NTN4: variants seen among roughly 807,000 people sequenced by gnomAD.
NTN4 encodes netrin-4.
NTN4 carries 32 observed loss-of-function variants against 73.6 expected under a neutral mutation model. That is an observed-to-expected ratio of 0.44 (90% confidence interval 0.33 to 0.58). The LOEUF (loss-of-function observed/expected upper bound fraction) is 0.58. Ranked by LOEUF, NTN4 falls within the 20% of genes least tolerant of loss-of-function variation. The probability of loss-of-function intolerance (pLI) is 0.04; values close to 1 mark genes in which losing one functional copy is unlikely to be tolerated. For synonymous variants in NTN4, 258 were observed against 287.5 expected, an observed-to-expected ratio of 0.90 and a Z score of 1.04; for missense variants, 654 against 798.3, an observed-to-expected ratio of 0.82 and a Z score of 2.18.
intron 2 of NTN4, among the ~76,000 whole-genome samples, chr12:95,751,324 G>T (rs2078905466): frequency 6.6e-6 from 1 of 151,620 alleles, no homozygotes; most frequent in African/African-American, 2.4e-5. Flanking sequence ...ATAGAAAAAA[G>T]TTGCAATTCC....
chr12:95,774,786 T>A (rs2079080254), intron 2 of NTN4, among the ~76,000 whole-genome samples: 1 of 152,240 alleles, frequency 6.6e-6, no homozygotes, highest in Admixed American at 6.5e-5. Context: ...TTTGGGGGAT[T>A]AAGCATGCAC....
chr12:95,686,769 A>AAG (rs1274014706), intron 5 of NTN4, among the ~76,000 whole-genome samples: 2 of 151,848 alleles, frequency 1.3e-5, no homozygotes, highest in African/African-American at 4.8e-5. Flanking sequence ...AAAAAAAAAA[A>AAG]GAAAGAAAAA....
intron 3 of NTN4, among the ~76,000 whole-genome samples, chr12:95,736,193 C>A (rs1176034711): frequency 2.6e-5 from 4 of 152,122 alleles, no homozygotes; most frequent in African/African-American, 9.7e-5. Context: ...CCCGCCTTGG[C>A]CTCCCAAAGT....
chr12:95,746,776 T>G (rs2078865990), intron 2 of NTN4, among the ~76,000 whole-genome samples: 1 of 152,220 alleles, frequency 6.6e-6, no homozygotes, highest in Non-Finnish European at 1.5e-5. Flanking sequence ...TCCTCTTCCC[T>G]GCACTGCAGA....
At position 95,781,467 on chromosome 12, in the gene NTN4, G is replaced by T. The variant is rs1395213648; in HGVS notation, c.585+5472C>A. ...TTTTAAAAATAGCAAACCTGGGTGG[G>T]AGGAGGGCGAGCATCAGGAAGAATA... On this transcript the variant is annotated intron_variant, in intron 2 of 9. Transcript: ENST00000343702. The surrounding 1 kb of genome is among the most constrained non-coding windows in gnomAD (Gnocchi z 4.1). Among the ~76,000 whole-genome samples, 3 of 152,110 alleles carry T rather than the reference G, an allele frequency of 2.0e-5. No homozygotes were observed. The highest frequency in any genetic ancestry group is 4.4e-5 in the Non-Finnish European group (3 of 68,016).
At position 95,658,767 on chromosome 12, in the gene NTN4, G is replaced by A. The variant is rs572559304; in HGVS notation, c.*319C>T. On this transcript the variant is annotated 3_prime_UTR_variant, in exon 10 of 10. Transcript: ENST00000343702. Reference sequence around the variant, plus strand: ...AGTAACATCGCTGAAGCTGGAAGGCGTCCTTGTTAGAGGTACTGCCCTTAA... The same window carrying A: ...AGTAACATCGCTGAAGCTGGAAGGCATCCTTGTTAGAGGTACTGCCCTTAA... The A allele has an allele frequency of 2.2e-5, 4 of 179,062 alleles. No homozygotes were observed. Among genetic ancestry groups the A allele is most frequent in the South Asian group, 3.8e-4 (2 of 5,216 alleles). 11.1% of individuals were successfully genotyped at this position (179,062 alleles called of 1,614,324 possible).
chr12:95,755,523 G>A (rs550534628), intron 2 of NTN4, among the ~76,000 whole-genome samples: 55 of 152,324 alleles, frequency 3.6e-4, no homozygotes, highest in African/African-American at 1.3e-3. Context: ...AGAGAAGTGT[G>A]TCTGTCTTTT....
At chr12:95,787,557 T>TC in intron 1 of NTN4, 89 bp from the exon 2 acceptor site, 2 of 1,308,640 alleles carry the variant, frequency 1.5e-6, no homozygotes, top group Non-Finnish European at 2.1e-6. Flanking sequence ...GTCAAGGATC[T>TC]CCCCAAAAGC....
At chr12:95,673,165 T>C (rs2078247253) in intron 7 of NTN4, 2 of 617,870 alleles carry the variant, frequency 3.2e-6, no homozygotes, top group Middle Eastern at 5.0e-4. Flanking sequence ...ACCACATCTG[T>C]AGGCATCTTG....
intron 3 of NTN4, among the ~76,000 whole-genome samples, chr12:95,736,823 C>CA (rs1428094129): frequency 1.3e-5 from 2 of 152,204 alleles, no homozygotes; most frequent in African/African-American, 4.8e-5. Context: ...GATGCTGCCC[C>CA]AGCGACTCAG....
chr12:95,713,471 C>T (rs2078581622), intron 3 of NTN4, 133 bp from the exon 4 acceptor site: 1 of 979,754 alleles, frequency 1.0e-6, no homozygotes, highest in Non-Finnish European at 1.4e-6. Context: ...AGAAGTTAGC[C>T]ATCAAGAGGA....
At position 95,789,989 on chromosome 12, in the gene NTN4, A is replaced by G; in HGVS notation, c.55+266T>C. 1 of 399,786 alleles carries G rather than the reference A, an allele frequency of 2.5e-6. No homozygotes were observed. Among genetic ancestry groups the G allele is most frequent in the Non-Finnish European group, 4.4e-6 (1 of 225,248 alleles). The allele number at this position is 399,786 out of a possible 1,614,324, so 24.8% of individuals were successfully genotyped here. ...AGTTTTTTAACAAGCCAAACCAAGA[A>G]AGAAACCCCGGTCGCAGTATCCCCG... is the stretch of plus-strand genomic sequence containing the variant. On this transcript the variant is annotated intron_variant, in intron 1 of 9. Coordinates refer to ENST00000343702, the MANE Select transcript of NTN4 (RefSeq NM_021229.4). This position sits in a 1 kb window ranked among gnomAD's most constrained non-coding sequence, Gnocchi z 4.0.
At chr12:95,777,229 A>G (rs1362648588) in intron 2 of NTN4, among the ~76,000 whole-genome samples, 2 of 152,220 alleles carry the variant, frequency 1.3e-5, no homozygotes, top group African/African-American at 2.4e-5. Context: ...AAAGACCATC[A>G]ATGCTAGGAA....
At position 95,717,221 on chromosome 12, in the gene NTN4, T is replaced by C. The variant is rs1206559071; in HGVS notation, c.865-3883A>G. Among the ~76,000 whole-genome samples the C allele has an allele frequency of 3.9e-5, 6 of 152,290 alleles. No homozygotes were observed. In the East Asian group the frequency reaches 9.7e-4, roughly 24 times the overall value. On this transcript the variant is annotated intron_variant, in intron 3 of 9. Coordinates refer to ENST00000343702, the MANE Select transcript of NTN4 (RefSeq NM_021229.4). ...CAACCATCATCATAGGTTCAACTTA[T>C]CAGGTTTGGTCTTGGAAGGCCTAAG...
At chr12:95,683,020 C>G (rs992746641) in intron 6 of NTN4, among the ~76,000 whole-genome samples, 198 bp from the exon 7 acceptor site, 2 of 152,022 alleles carry the variant, frequency 1.3e-5, no homozygotes, top group African/African-American at 4.8e-5. Context: ...CTTGCAAGAA[C>G]AAATTACTTG....
intron 2 of NTN4, among the ~76,000 whole-genome samples, chr12:95,762,899 T>C (rs542554092): frequency 1.3e-5 from 2 of 152,360 alleles, no homozygotes; most frequent in South Asian, 4.1e-4. Context: ...TTCTTTCCTA[T>C]ACATTTAGAT....
chr12:95,712,132 G>A (rs567783219), intron 4 of NTN4, among the ~76,000 whole-genome samples: 45 of 152,236 alleles, frequency 3.0e-4, no homozygotes, highest in Admixed American at 2.2e-3. Context: ...GTTCGTGAGC[G>A]TTAACATTGT....
At chr12:95,787,566 G>A in intron 1 of NTN4, 98 bp from the exon 2 acceptor site, 1 of 1,207,354 alleles carries the variant, frequency 8.3e-7, no homozygotes, top group Non-Finnish European at 1.2e-6. Flanking sequence ...CTCCCCAAAA[G>A]CGCTTGAGAC....
chr12:95,717,482 C>T (rs1019192644), intron 3 of NTN4, among the ~76,000 whole-genome samples: 1 of 151,934 alleles, frequency 6.6e-6, no homozygotes, highest in Admixed American at 6.6e-5. Flanking sequence ...AATTTTTCTG[C>T]ATACAGAAAA....
Sources: gnomAD v4.1 joint callset for allele counts (sites outside exome capture counted in the v4.1 genomes callset) on GRCh38, gnomAD v4.1.1 for gene constraint, Gnocchi (gnomAD v3.1) non-coding constraint, MANE v1.5 for transcripts, NCBI Gene and HGNC (gene_info 2026-07-23, HGNC 2026-07-21) for gene names.